The following DNAJC21 variants were observed in gnomAD, a reference collection of about 807,000 sequenced individuals.
DNAJC21 encodes the protein dnaJ homolog subfamily C member 21.
Under a neutral mutation model 72.4 loss-of-function variants are expected in DNAJC21, and 63 were observed. That is an observed-to-expected ratio of 0.87 (90% CI 0.71 to 1.07). The LOEUF (loss-of-function observed/expected upper bound fraction) is 1.07. Ranked by LOEUF, DNAJC21 falls within the 50% of genes least tolerant of loss-of-function variation. DNAJC21 has a pLI of 0.00. For synonymous variants in DNAJC21, 203 were observed against 216.7 expected (o/e 0.94, Z 0.56); for missense variants, 634 against 644.8 (o/e 0.98, Z 0.18).
rs780221612 is a variant in DNAJC21, at chr5:34,937,597, A to G, written c.710A>G (p.Glu237Gly). 53 of 1,613,306 alleles carry G rather than the reference A, an allele frequency of 3.3e-5. No individual in the cohort carries two copies. The highest frequency in any genetic ancestry group is 4.5e-5 in the Non-Finnish European group (53 of 1,179,512). ...QNAEKARKAE[E>G]MRRQQKLKQA... Reference sequence around the variant, plus strand: ...GCAGAGAAGGCGAGGAAAGCCGAAGAGATGAGGCGGCAGCAGAAGCTAAAG... The same window carrying G: ...GCAGAGAAGGCGAGGAAAGCCGAAGGGATGAGGCGGCAGCAGAAGCTAAAG... Residue 237 changes from glutamate (E) to glycine (G), a missense_variant, in exon 5 of 12, where the codon GAG (glutamate) becomes GGG (glycine). By Grantham distance (98) the Glu-to-Gly change is moderately conservative. Coordinates refer to ENST00000648817, the MANE Select transcript of DNAJC21 (RefSeq NM_001012339.3).
intron 4 of DNAJC21, 150 bp from the exon 5 acceptor site, chr5:34,937,176 C>A: frequency 1.3e-6 from 1 of 795,868 alleles, no homozygotes; most frequent in Non-Finnish European, 1.9e-6. Context: ...TTCTGGAAAG[C>A]CTTAAAAGTA....
rs1401119489 is a variant in DNAJC21, at chr5:34,929,764, GCCCGGGCCCCGACCCCGT to G, written c.-45_-28del. On this transcript the variant is annotated 5_prime_UTR_variant, in exon 1 of 12. Coordinates refer to ENST00000648817, the MANE Select transcript of DNAJC21 (RefSeq NM_001012339.3). ...CGCCGCCGCCGCCGCTTCGGCCCGG[GCCCGGGCCCCGACCCCGT>G]CCCGGGCCCCAGCGCCGGCCGCCCG... The G allele has an allele frequency of 1.3e-5, 13 of 974,970 alleles. No individual in the cohort carries two copies. Among genetic ancestry groups the G allele is most frequent in the Admixed American group, 5.8e-5 (1 of 17,268 alleles). 60.4% of individuals were successfully genotyped at this position (974,970 alleles called of 1,614,324 possible).
chr5:34,947,939 A>G (rs985438579), intron 9 of DNAJC21, among the ~76,000 whole-genome samples: 4 of 152,172 alleles, frequency 2.6e-5, no homozygotes, highest in African/African-American at 9.7e-5. Context: ...TCTGTAAAAA[A>G]AAATCCTGTG....
At position 34,936,246 on chromosome 5, in the gene DNAJC21, T is replaced by G; in HGVS notation, c.418T>G (p.Ser140Ala). The G allele has an allele frequency of 6.2e-7, 1 of 1,613,408 alleles. No homozygotes were observed. Among genetic ancestry groups the G allele is most frequent in the South Asian group, 1.1e-5 (1 of 90,834 alleles). Residue 140 changes from serine (S) to alanine (A), a missense_variant, in exon 4 of 12, where the codon TCC becomes GCC. Physicochemically the swap from Ser to Ala is moderately conservative, Grantham distance 99 (BLOSUM62 1). Coordinates refer to ENST00000648817, the MANE Select transcript of DNAJC21 (RefSeq NM_001012339.3). ...EVDDFPTFGD[S>A]QSDYDTVVHP... ...TGATGATTTCCCAACTTTTGGAGAC[T>G]CCCAGAGTGACTATGATACGGTAAA...
chr5:34,949,359 A>G (rs1474586614), intron 9 of DNAJC21, among the ~76,000 whole-genome samples: 1 of 152,160 alleles, frequency 6.6e-6, no homozygotes, highest in Non-Finnish European at 1.5e-5. Context: ...CTCTAGAATA[A>G]AGGAGATTAA....
At chr5:34,953,622 A>G (rs1288926533) in intron 10 of DNAJC21, 2 of 252,284 alleles carry the variant, frequency 7.9e-6, no homozygotes, top group East Asian at 1.0e-4. Flanking sequence ...TAAACACTGT[A>G]TAAAACATTT....
Position 34,929,798 on chromosome 5 carries a change from C to T in DNAJC21, c.-22C>T, listed in dbSNP as rs768522163. 4.4e-6 allele frequency: 6 copies of T among 1,358,988 alleles called. No homozygotes were observed. In the African/African-American group the frequency reaches 4.5e-5, roughly 10 times the overall value. 84.2% of individuals were successfully genotyped at this position (1,358,988 alleles called of 1,614,324 possible). A position where few individuals can be genotyped will look rare whatever the true frequency, so the allele number is the denominator to read the frequency against. On this transcript the variant is annotated 5_prime_UTR_variant, in exon 1 of 12. Coordinates refer to ENST00000648817, the MANE Select transcript of DNAJC21 (RefSeq NM_001012339.3). The stretch of plus-strand genomic sequence containing the variant: ...CCGACCCCGTCCCGGGCCCCAGCGC[C>T]GGCCGCCCGCCCGGTCGGGCGATGA...
At chr5:34,934,250 A>G (rs1399618735) in intron 2 of DNAJC21, among the ~76,000 whole-genome samples, 1 of 151,940 alleles carries the variant, frequency 6.6e-6, no homozygotes, top group East Asian at 1.9e-4. Context: ...TTTTTTTGAG[A>G]CGCAGTTTTG....
rs1030740686 is a variant in DNAJC21 at position 34,954,897 on chromosome 5, T to C, written c.*183T>C. The C allele has an allele frequency of 1.6e-6, 1 of 623,324 alleles. No homozygotes were observed. Among genetic ancestry groups the C allele is most frequent in the African/African-American group, 1.9e-5 (1 of 52,494 alleles). 38.6% of individuals were successfully genotyped at this position (623,324 alleles called of 1,614,324 possible). ...TATTTTTAAAACATTTCACTAGTGA[T>C]TGAATTCTACTTTTGCCATCTGAAT... is the stretch of plus-strand genomic sequence containing the variant. On this transcript the variant is annotated 3_prime_UTR_variant, in exon 12 of 12. Coordinates refer to ENST00000648817, the MANE Select transcript of DNAJC21 (RefSeq NM_001012339.3).
At chr5:34,948,024 A>G (rs1242384883) in intron 9 of DNAJC21, among the ~76,000 whole-genome samples, 1 of 152,214 alleles carries the variant, frequency 6.6e-6, no homozygotes, top group Non-Finnish European at 1.5e-5. Flanking sequence ...ATAAAATTAA[A>G]TTATTTGATC....
intron 1 of DNAJC21, among the ~76,000 whole-genome samples, chr5:34,932,419 C>CAAAAAAAAAAAAA (rs769907634): frequency 1.5e-5 from 1 of 65,678 alleles, no homozygotes. Context: ...GACTCCATCT[C>CAAAAAAAAAAAAA]AAAAAAAAAA....
In DNAJC21 at chr5:34,955,441, T is replaced by C. The variant is rs1258823011; in HGVS notation, c.*727T>C. ...TAGGCACAGTGACAGCTGTAAAGTA[T>C]GACGGAACAAGGTAGCAGATGGTAC... On this transcript the variant is annotated 3_prime_UTR_variant, in exon 12 of 12. Coordinates refer to ENST00000648817, the MANE Select transcript of DNAJC21 (RefSeq NM_001012339.3). 1.3e-5 allele frequency: 2 copies of C among 152,240 alleles called. No individual in the cohort carries two copies. The highest frequency in any genetic ancestry group is 3.8e-4 in the East Asian group (2 of 5,204). The allele number at this position is 152,240 out of a possible 1,614,324, so 9.4% of individuals were successfully genotyped here. A position where few individuals can be genotyped will look rare whatever the true frequency, so the allele number is the denominator to read the frequency against.
intron 2 of DNAJC21, among the ~76,000 whole-genome samples, chr5:34,935,020 G>T (rs1232944541): frequency 2.0e-5 from 3 of 152,256 alleles, no homozygotes; most frequent in Middle Eastern, 6.8e-3. Flanking sequence ...GTTGTTTTCT[G>T]ATCCTTGGGA....
At chr5:34,931,535 G>T (rs1764593319) in intron 1 of DNAJC21, among the ~76,000 whole-genome samples, 1 of 152,198 alleles carries the variant, frequency 6.6e-6, no homozygotes. Context: ...TCTGAAGAGT[G>T]ATTTTAAATC....
rs372677172 is a variant in DNAJC21, at chr5:34,950,512, G to A, written c.1358+170G>A. 1.3e-5 allele frequency: 17 copies of A among 1,271,938 alleles called. 1 individual carries two copies. Among genetic ancestry groups the A allele is most frequent in the Middle Eastern group, 3.0e-4 (1 of 3,304 alleles). The allele number at this position is 1,271,938 out of a possible 1,614,324, so 78.8% of individuals were successfully genotyped here. ...ACACATATGTATACAGATGAAGAGCGTTGAGAAGAGGATGCTAGAGGAATG... is the reference window on the plus strand; with the variant it reads ...ACACATATGTATACAGATGAAGAGCATTGAGAAGAGGATGCTAGAGGAATG... On this transcript the variant is annotated intron_variant, in intron 10 of 11. Coordinates refer to ENST00000648817, the MANE Select transcript of DNAJC21 (RefSeq NM_001012339.3).
intron 5 of DNAJC21, among the ~76,000 whole-genome samples, chr5:34,937,841 G>A (rs536487363): frequency 1.3e-5 from 2 of 152,160 alleles, no homozygotes; most frequent in Non-Finnish European, 2.9e-5. Flanking sequence ...TGTCACCCAG[G>A]CTGGAGTGCA....
At chr5:34,949,703 C>G in intron 9 of DNAJC21, 1 of 1,611,588 alleles carries the variant, frequency 6.2e-7, no homozygotes, top group Non-Finnish European at 8.5e-7. Context: ...GTTTGCCAGG[C>G]GTCTTTCTTT....
rs1325727642 is a variant in DNAJC21, at chr5:34,957,372, G to C, written c.*2658G>C. ...TTCATTCAGTGGTGCCAAAGCTGGG[G>C]GTTCCCTACAATGGCTATTTAGACT... On this transcript the variant is annotated 3_prime_UTR_variant, in exon 12 of 12. Coordinates refer to ENST00000648817, the MANE Select transcript of DNAJC21 (RefSeq NM_001012339.3). The C allele has an allele frequency of 2.0e-5, 3 of 152,216 alleles. No individual in the cohort carries two copies. Among genetic ancestry groups the C allele is most frequent in the African/African-American group, 7.2e-5 (3 of 41,542 alleles). 9.4% of individuals were successfully genotyped at this position (152,216 alleles called of 1,614,324 possible).
In DNAJC21 at chr5:34,955,017, T is replaced by C. The variant is rs1442828305; in HGVS notation, c.*303T>C. On this transcript the variant is annotated 3_prime_UTR_variant, in exon 12 of 12. Coordinates refer to ENST00000648817, the MANE Select transcript of DNAJC21 (RefSeq NM_001012339.3). The stretch of plus-strand genomic sequence containing the variant: ...ACAGAAATGTACAGGGAGAATTACA[T>C]TATTTTAACACACAGAAGTGCAACT... 1 of 189,810 alleles carries C rather than the reference T, an allele frequency of 5.3e-6. No individual in the cohort carries two copies. The highest frequency in any genetic ancestry group is 1.2e-4 in the East Asian group (1 of 8,052). 11.8% of individuals were successfully genotyped at this position (189,810 alleles called of 1,614,324 possible).
Sources: allele counts gnomAD v4.1 joint callset (sites outside exome capture counted in the v4.1 genomes callset), GRCh38; gene constraint gnomAD v4.1.1; transcripts MANE v1.5; gene names NCBI Gene and HGNC (gene_info 2026-07-23, HGNC 2026-07-21).